The following PES1 variants were observed in gnomAD, a reference collection of about 807,000 sequenced individuals.
PES1 encodes the protein pescadillo ribosomal biogenesis factor 1.
PES1 carries 31 observed loss-of-function variants against 77.1 expected under a neutral mutation model. The observed-to-expected ratio is 0.40, with a 90% CI of 0.30 to 0.54. The LOEUF (loss-of-function observed/expected upper bound fraction) is 0.54, where lower values mean the gene tolerates loss of function less well. PES1 is among the 20% of genes least tolerant of loss of function. The pLI, the probability that PES1 is intolerant of heterozygous loss-of-function variation, is 0.45. For synonymous variants in PES1, 282 were observed against 303.0 expected (o/e 0.93, Z 0.72); for missense variants, 658 against 771.7 (o/e 0.85, Z 1.75).
intron 4 of PES1, among the ~76,000 whole-genome samples, chr22:30,586,203 T>C (rs1412762835): frequency 2.6e-5 from 4 of 152,230 alleles, no homozygotes; most frequent in Admixed American, 2.0e-4. Flanking sequence ...TTCATTTATT[T>C]CACCTAACAC....
At chr22:30,604,019 CT>C (rs2145522092) in intron 2 of PES1, 2 of 152,308 alleles carry the variant, frequency 1.3e-5, no homozygotes, top group East Asian at 3.9e-4. Flanking sequence ...GGCAAGCAGG[CT>C]CCAAGTATCA....
At chr22:30,579,576 A>G (rs1476429909) in intron 12 of PES1, 175 bp downstream of exon 12, 3 of 704,480 alleles carry the variant, frequency 4.3e-6, no homozygotes, top group East Asian at 2.7e-5. Context: ...TGAACGTCAA[A>G]TAACACCTGA....
rs577040991 is a variant in PES1, at chr22:30,598,801, A to G, written c.-660-6403T>C. Among the ~76,000 whole-genome samples the G allele has an allele frequency of 8.3e-4, 126 of 151,636 alleles. 1 individual carries two copies. The highest frequency in any genetic ancestry group is 3.0e-3 in the African/African-American group (122 of 41,330). On this transcript the variant is annotated intron_variant, in intron 2 of 16. Coordinates refer to the PES1 transcript ENST00000402281. ...TACATATGTTGTATATTGTGTCTACATGGTACCAAGTTGACTTAAAAATAA... is the reference window on the plus strand; with the variant it reads ...TACATATGTTGTATATTGTGTCTACGTGGTACCAAGTTGACTTAAAAATAA...
intron 1 of PES1, chr22:30,606,517 C>G (rs1041216320): frequency 5.9e-5 from 9 of 152,402 alleles, no homozygotes; most frequent in African/African-American, 1.9e-4. Flanking sequence ...TTTCAAAGTG[C>G]TAGGATTACA....
upstream of PES1, chr22:30,591,990 G>T: frequency 7.3e-7 from 1 of 1,377,242 alleles, no homozygotes; most frequent in Non-Finnish European, 9.4e-7. Flanking sequence ...AGGGAAAGAT[G>T]GGGATTTCCT....
intron 7 of PES1, 22 bp downstream of exon 7, chr22:30,581,506 A>C: frequency 6.2e-7 from 1 of 1,607,372 alleles, no homozygotes; most frequent in Non-Finnish European, 8.5e-7. Flanking sequence ...GGCGAGCAGA[A>C]GGCACTGGGC....
chr22:30,580,182 C>T lies in PES1; in HGVS notation c.1044-4G>A. 2.5e-6 allele frequency: 4 copies of T among 1,609,718 alleles called. No individual in the cohort carries two copies. Among genetic ancestry groups the T allele is most frequent in the Non-Finnish European group, 3.4e-6 (4 of 1,177,650 alleles). The stretch of plus-strand genomic sequence containing the variant: ...GGACACTTCCCCACCAAAACTCCTA[C>T]AGGGACAGGGAGAGCCCACACGGGT... On this transcript the variant is annotated splice_polypyrimidine_tract_variant and splice_region_variant and intron_variant, in intron 10 of 14. Coordinates refer to ENST00000354694, the MANE Select transcript of PES1 (RefSeq NM_014303.4).
chr22:30,592,112 AC>A (rs2087190818), upstream of PES1: 1 of 1,269,182 alleles, frequency 7.9e-7, no homozygotes, highest in African/African-American at 1.5e-5. Context: ...ACGTGGATAT[AC>A]AGGCTTTTCT....
intron 1 of PES1, 71 bp from the exon 2 acceptor site, chr22:30,589,341 T>C: frequency 8.1e-7 from 1 of 1,234,948 alleles, no homozygotes; most frequent in African/African-American, 1.5e-5. Flanking sequence ...TGGGCATGCC[T>C]AGTTCCAGAG....
Position 30,600,376 on chromosome 22 carries a change from T to C in PES1, c.-661+5085A>G, listed in dbSNP as rs373219806. Among the ~76,000 whole-genome samples the C allele has an allele frequency of 6.3e-4, 96 of 152,226 alleles. No individual in the cohort carries two copies. In the South Asian group the frequency reaches 0.019, roughly 30 times the overall value. On this transcript the variant is annotated intron_variant, in intron 2 of 16. Coordinates refer to the PES1 transcript ENST00000402281. ...GTAGCTGCTCACTGCAGAACAGTCT[T>C]ATATAACATAGATAAAGAACTCTTG...
intron 2 of PES1, among the ~76,000 whole-genome samples, chr22:30,599,725 C>T (rs1007372073): frequency 6.7e-6 from 1 of 149,560 alleles, no homozygotes; most frequent in East Asian, 2.0e-4. Flanking sequence ...CATGGAGAAA[C>T]CCCGTCTCTA....
Position 30,580,634 on chromosome 22 carries a change from A to G in PES1, c.980T>C (p.Phe327Ser). 1.2e-6 allele frequency: 2 copies of G among 1,613,746 alleles called. No individual in the cohort carries two copies. The highest frequency in any genetic ancestry group is 1.7e-6 in the Non-Finnish European group (2 of 1,180,018). Residue 327 changes from phenylalanine (F) to serine (S), a missense_variant, in exon 10 of 15, where the codon TTT becomes TCT. By Grantham distance (155) the Phe-to-Ser change is radical (BLOSUM62 -2). Coordinates refer to ENST00000354694, the MANE Select transcript of PES1 (RefSeq NM_014303.4). ...LEAQEKHKKL[F>S]EGLKFFLNRE... ...GTTCAGGAAGAACTTCAGGCCCTCAAAAAGCTTCTTGTGCTTCTCCTGCGC... is the reference window on the plus strand; with the variant it reads ...GTTCAGGAAGAACTTCAGGCCCTCAGAAAGCTTCTTGTGCTTCTCCTGCGC...
In PES1 at chr22:30,577,107, C is replaced by T. The variant is rs1206885846; in HGVS notation, c.1706G>A (p.Arg569Gln). 1 of 1,614,126 alleles carries T rather than the reference C, an allele frequency of 6.2e-7. No individual in the cohort carries two copies. The highest frequency in any genetic ancestry group is 8.5e-7 in the Non-Finnish European group (1 of 1,180,024). The change falls in exon 15 of 15, where the codon CGG (arginine) becomes CAG (glutamine). Residue 569 changes from arginine (R) to glutamine (Q), a missense_variant. Physicochemically the swap from Arg to Gln is conservative, Grantham distance 43. Coordinates refer to ENST00000354694, the MANE Select transcript of PES1 (RefSeq NM_014303.4). ...CCTCACCGCCTCATCGTGGGCTTTC[C>T]GCTTCTCCGCCAGCTTGTTGGCCTG... is the stretch of plus-strand genomic sequence containing the variant. ...IREANKLAEK[R>Q]KAHDEAVRSE...
Position 30,584,663 on chromosome 22 carries a change from G to A in PES1, c.423C>T (p.Cys141=), listed in dbSNP as rs1602013041. 1 of 1,613,968 alleles carries A rather than the reference G, an allele frequency of 6.2e-7. No individual in the cohort carries two copies. Among genetic ancestry groups the A allele is most frequent in the Non-Finnish European group, 8.5e-7 (1 of 1,180,020 alleles). The stretch of plus-strand genomic sequence containing the variant: ...TCCGCGGGAAGGTGGAAAACAGGAA[G>A]CACATGGAGAGGGCATCGTCCAGGT... ...LRDLDDALSM[C]FLFSTFPRTG... is the part of the protein sequence containing the mutation. Residue 141 remains cysteine (C), a synonymous_variant, in exon 5 of 15, where the codon TGC becomes TGT. Coordinates refer to ENST00000354694, the MANE Select transcript of PES1 (RefSeq NM_014303.4).
intron 6 of PES1, chr22:30,584,105 GAC>G: frequency 1.9e-6 from 1 of 523,668 alleles, no homozygotes; most frequent in East Asian, 3.4e-5. Flanking sequence ...TAAGGGTGTA[GAC>G]ACTGTTAACT....
chr22:30,578,833 T>G lies in PES1; in HGVS notation c.1683+4A>C. 1 of 1,612,164 alleles carries G rather than the reference T, an allele frequency of 6.2e-7. No homozygotes were observed. Among genetic ancestry groups the G allele is most frequent in the Non-Finnish European group, 8.5e-7 (1 of 1,179,972 alleles). Reference sequence around the variant, plus strand: ...TGGATCTCAAGTGGGTGGCAAGAACTCACCTCTCGGATTTTTCGCCTCTTG... The same window carrying G: ...TGGATCTCAAGTGGGTGGCAAGAACGCACCTCTCGGATTTTTCGCCTCTTG... On this transcript the variant is annotated splice_donor_region_variant and intron_variant, in intron 14 of 14. Transcript: ENST00000354694.
intron 2 of PES1, chr22:30,603,919 A>G (rs1302796705): frequency 1.3e-5 from 2 of 152,216 alleles, no homozygotes; most frequent in African/African-American, 2.4e-5. Context: ...CAGAGGAACT[A>G]TAGTGATCTG....
At chr22:30,599,246 A>G (rs1382884750) in intron 2 of PES1, among the ~76,000 whole-genome samples, 1 of 152,090 alleles carries the variant, frequency 6.6e-6, no homozygotes, top group Non-Finnish European at 1.5e-5. Flanking sequence ...AGTTATTGGT[A>G]AAATAAAAAT....
At chr22:30,601,351 G>A (rs1368211260) in intron 2 of PES1, among the ~76,000 whole-genome samples, 2 of 151,782 alleles carry the variant, frequency 1.3e-5, no homozygotes, top group African/African-American at 2.4e-5. Context: ...GTCTCAGTCC[G>A]TCGCCCAGGC....
Sources: allele counts gnomAD v4.1 joint callset (sites outside exome capture counted in the v4.1 genomes callset), GRCh38; gene constraint gnomAD v4.1.1; transcripts MANE v1.5; gene names NCBI Gene and HGNC (gene_info 2026-07-23, HGNC 2026-07-21).